Variants in CLIC5 observed in about 807,000 individuals in gnomAD.
The protein encoded by CLIC5 is CLIC family member 5, also known as chloride intracellular channel protein 5.
CLIC5 carries 20 observed loss-of-function variants against 24.7 expected under a neutral mutation model. The observed-to-expected ratio is 0.81, with a 90% CI of 0.57 to 1.18. The LOEUF is 1.18. CLIC5 is among the 50% of genes most tolerant of loss of function. CLIC5 has a pLI of 0.00. For synonymous variants in CLIC5, 159 were observed against 135.6 expected (o/e 1.17, Z -1.20); for missense variants, 341 against 326.1 (o/e 1.05, Z -0.35).
At chr6:45,973,441 AC>A in intron 1 of CLIC5, among the ~76,000 whole-genome samples, 2 of 152,122 alleles carry the variant, frequency 1.3e-5, no homozygotes, top group Non-Finnish European at 2.9e-5. Context: ...TAAAATGAAC[AC>A]CCTTTGTCTC....
At chr6:46,027,095 C>T (rs1767352206) in intron 1 of CLIC5, among the ~76,000 whole-genome samples, 1 of 152,146 alleles carries the variant, frequency 6.6e-6, no homozygotes, top group African/African-American at 2.4e-5. Flanking sequence ...TGTGAACATC[C>T]TGTGCCTGGT....
rs891923306 is a variant in CLIC5, at chr6:45,909,662, T to C, written c.588+4566A>G. On this transcript the variant is annotated intron_variant, in intron 5 of 5. Transcript: ENST00000339561. ...GAAGTCTGCTGTTAGCCTGATGGGG[T>C]TCCATTTGTATGTGTTCTGACCTTT... Among the ~76,000 whole-genome samples, 5 of 152,240 alleles carry C rather than the reference T, an allele frequency of 3.3e-5. No homozygotes were observed. In the East Asian group the frequency reaches 7.7e-4, roughly 23 times the overall value.
intron 1 of CLIC5, among the ~76,000 whole-genome samples, chr6:45,956,352 C>T (rs3777592): frequency 0.83 from 126,818 of 152,112 alleles, 53,485 homozygotes; most frequent in Non-Finnish European, 0.89. Flanking sequence ...CCATGGCCCC[C>T]GCAGGTGGCC....
At chr6:46,004,121 G>A (rs1333807365) in intron 1 of CLIC5, among the ~76,000 whole-genome samples, 1 of 152,230 alleles carries the variant, frequency 6.6e-6, no homozygotes, top group Non-Finnish European at 1.5e-5. Context: ...AGTTGATCTA[G>A]CAGATGGGGA....
At chr6:46,007,194 G>T (rs535375753) in intron 1 of CLIC5, among the ~76,000 whole-genome samples, 2 of 152,262 alleles carry the variant, frequency 1.3e-5, no homozygotes, top group South Asian at 4.2e-4. Context: ...CAAATCAAAC[G>T]ATTTTAATGA....
chr6:46,016,335 G>T (rs558389677), upstream of CLIC5, among the ~76,000 whole-genome samples: 146 of 152,262 alleles, frequency 9.6e-4, 1 homozygote, highest in African/African-American at 2.7e-3. Context: ...AGCCCTTCCT[G>T]TCTTAGTGAT....
the CLIC5 span, among the ~76,000 whole-genome samples, chr6:46,118,401 A>T: frequency 1.3e-5 from 2 of 152,200 alleles, no homozygotes; most frequent in Admixed American, 1.3e-4. Context: ...ATATTTCATC[A>T]TCCAGACCAA....
At chr6:45,925,317 C>CTTTT (rs10691767) in intron 4 of CLIC5, among the ~76,000 whole-genome samples, 34 of 136,306 alleles carry the variant, frequency 2.5e-4, no homozygotes, top group African/African-American at 8.2e-4. Flanking sequence ...CATTATTCCG[C>CTTTT]TTTTTTTTTT....
chr6:45,903,690 G>A (rs1762572011), intron 5 of CLIC5, among the ~76,000 whole-genome samples: 1 of 152,120 alleles, frequency 6.6e-6, no homozygotes, highest in African/African-American at 2.4e-5. Context: ...TAGTGATCTG[G>A]AAAACTCTCC....
At chr6:46,067,996 T>A (rs538150016) in intron 1 of CLIC5, among the ~76,000 whole-genome samples, 53 of 152,246 alleles carry the variant, frequency 3.5e-4, no homozygotes, top group Admixed American at 1.0e-3. Context: ...GATCTTGAGA[T>A]GAAATCATCC....
At chr6:45,996,023 T>G (rs1766124340) in intron 1 of CLIC5, among the ~76,000 whole-genome samples, 1 of 151,772 alleles carries the variant, frequency 6.6e-6, no homozygotes, top group African/African-American at 2.4e-5. Flanking sequence ...ATGCTGGGCT[T>G]CATACCCAGG....
At chr6:45,914,531 C>T in intron 4 of CLIC5, 122 bp from the exon 5 acceptor site, 1 of 1,295,188 alleles carries the variant, frequency 7.7e-7, no homozygotes, top group Non-Finnish European at 9.8e-7. Flanking sequence ...GCCAGCTCCC[C>T]ACACACTGCA....
At chr6:45,935,452 G>T (rs1763896537) in intron 4 of CLIC5, among the ~76,000 whole-genome samples, 1 of 152,192 alleles carries the variant, frequency 6.6e-6, no homozygotes, top group Non-Finnish European at 1.5e-5. Flanking sequence ...TAATTACAGG[G>T]ATGCTGCAGG....
At chr6:46,070,334 G>T (rs1762558490) in intron 1 of CLIC5, among the ~76,000 whole-genome samples, 1 of 151,974 alleles carries the variant, frequency 6.6e-6, no homozygotes, top group Admixed American at 6.6e-5. Context: ...CCATAGTCTT[G>T]GCCCAAAAGC....
chr6:45,996,211 G>A (rs796149431), intron 1 of CLIC5, among the ~76,000 whole-genome samples: 9 of 152,122 alleles, frequency 5.9e-5, no homozygotes, highest in African/African-American at 1.9e-4. Flanking sequence ...TTAAGCAAAA[G>A]AGAAGTGGGG....
At chr6:45,894,596 C>T (rs1364901628), downstream of CLIC5, among the ~76,000 whole-genome samples, 1 of 152,134 alleles carries the variant, frequency 6.6e-6, no homozygotes, top group Non-Finnish European at 1.5e-5. Context: ...AAAAAGACAG[C>T]TAGAAAAACT....
intron 6 of CLIC5, among the ~76,000 whole-genome samples, chr6:45,888,076 G>T (rs9463145): frequency 2.4e-3 from 366 of 152,318 alleles, no homozygotes; most frequent in African/African-American, 8.5e-3. Flanking sequence ...GGAGAATGTT[G>T]GGTGTTAACA....
At chr6:45,886,265 C>T (rs1762304827) in intron 6 of CLIC5, among the ~76,000 whole-genome samples, 1 of 152,162 alleles carries the variant, frequency 6.6e-6, no homozygotes, top group African/African-American at 2.4e-5. Context: ...CTGACACTGG[C>T]CCAGGCTTTG....
chr6:45,959,257 G>A (rs1229922613), intron 1 of CLIC5, among the ~76,000 whole-genome samples: 1 of 152,148 alleles, frequency 6.6e-6, no homozygotes, highest in Non-Finnish European at 1.5e-5. Context: ...GAAAGGTTTT[G>A]TTTATGTGGA....
Sources: gnomAD v4.1 joint callset for allele counts (sites outside exome capture counted in the v4.1 genomes callset) on GRCh38, gnomAD v4.1.1 for gene constraint, MANE v1.5 for transcripts, NCBI Gene and HGNC (gene_info 2026-07-23, HGNC 2026-07-21) for gene names.